Variants in LYPD6B observed in about 807,000 individuals in gnomAD.
The protein encoded by LYPD6B is ly6/PLAUR domain-containing protein 6B.
LYPD6B carries 17 observed loss-of-function variants against 22.8 expected under a neutral mutation model. The ratio of observed to expected loss-of-function variants is 0.75; its 90% CI spans 0.51 to 1.12. The LOEUF (loss-of-function observed/expected upper bound fraction) is 1.12, where lower values mean the gene tolerates loss of function less well. LYPD6B is among the 50% of genes most tolerant of loss of function. The pLI is 0.00. For synonymous variants in LYPD6B, 106 were observed against 91.6 expected, an observed-to-expected ratio of 1.16 and a Z score of -0.90; for missense variants, 221 against 258.3, an observed-to-expected ratio of 0.86 and a Z score of 0.99.
chr2:149,172,528 T>C (rs1690910415), intron 3 of LYPD6B, among the ~76,000 whole-genome samples: 1 of 152,190 alleles, frequency 6.6e-6, no homozygotes, highest in Non-Finnish European at 1.5e-5. Flanking sequence ...CCTTGTTCAG[T>C]GGTACAACCA....
At chr2:149,205,483 G>T (rs934682164) in intron 4 of LYPD6B, 79 bp downstream of exon 4, 17 of 1,432,666 alleles carry the variant, frequency 1.2e-5, no homozygotes, top group Non-Finnish European at 1.5e-5. Context: ...TCCATTTATT[G>T]TAACTTCGTC....
At chr2:149,068,565 GT>G in intron 1 of LYPD6B, 1 of 322,586 alleles carries the variant, frequency 3.1e-6, no homozygotes, top group Non-Finnish European at 6.5e-6. Flanking sequence ...ATAGCCAATG[GT>G]TGGTTATGTT....
intron 3 of LYPD6B, among the ~76,000 whole-genome samples, chr2:149,174,627 T>A (rs1038880714): frequency 1.3e-5 from 2 of 152,220 alleles, no homozygotes; most frequent in African/African-American, 4.8e-5. Flanking sequence ...CTTTTCTGCA[T>A]CTATTGAGAT....
At chr2:149,120,361 G>GTGTATATATATATATATATATA (rs796413041) in intron 1 of LYPD6B, among the ~76,000 whole-genome samples, 1 of 38,756 alleles carries the variant, frequency 2.6e-5, no homozygotes. Context: ...GTGTGTGTGT[G>GTGTATATATATATATATATATA]TATATATATA....
intron 1 of LYPD6B, among the ~76,000 whole-genome samples, chr2:149,067,310 A>G (rs1283287590): frequency 6.6e-6 from 1 of 152,134 alleles, no homozygotes; most frequent in African/African-American, 2.4e-5. Context: ...ATCATATTTT[A>G]TATTTATTCA....
intron 1 of LYPD6B, among the ~76,000 whole-genome samples, chr2:149,053,606 A>C (rs1053302550): frequency 6.6e-6 from 1 of 152,226 alleles, no homozygotes; most frequent in African/African-American, 2.4e-5. Flanking sequence ...CATAAAATGT[A>C]CCTCTTTAAA....
chr2:149,042,000 C>T (rs1205365035), intron 1 of LYPD6B, among the ~76,000 whole-genome samples: 1 of 152,210 alleles, frequency 6.6e-6, no homozygotes, highest in Non-Finnish European at 1.5e-5. Flanking sequence ...AAAAGCCTCA[C>T]ATATGATTTT....
At chr2:149,209,876 A>G (rs1357990832) in intron 5 of LYPD6B, among the ~76,000 whole-genome samples, 2 of 152,182 alleles carry the variant, frequency 1.3e-5, no homozygotes, top group African/African-American at 4.8e-5. Context: ...GTGTATGTGC[A>G]TGCATGATTG....
At chr2:149,068,562 A>G (rs1256022859) in intron 1 of LYPD6B, 9 of 313,906 alleles carry the variant, frequency 2.9e-5, no homozygotes, top group East Asian at 8.0e-5. Flanking sequence ...TAAATAGCCA[A>G]TGGTTGGTTA....
chr2:149,113,546 C>T (rs1024309319), intron 1 of LYPD6B, among the ~76,000 whole-genome samples: 1 of 152,018 alleles, frequency 6.6e-6, no homozygotes, highest in African/African-American at 2.4e-5. Context: ...TCATATATAC[C>T]AGGGGGAACA....
At chr2:149,172,577 G>A (rs1000987007) in intron 3 of LYPD6B, among the ~76,000 whole-genome samples, 1 of 152,038 alleles carries the variant, frequency 6.6e-6, no homozygotes, top group African/African-American at 2.4e-5. Context: ...AGAACTGGAT[G>A]TACTATTCCA....
intron 2 of LYPD6B, among the ~76,000 whole-genome samples, chr2:149,159,589 CGTGTGT>C (rs60129822): frequency 0.15 from 21,879 of 145,776 alleles, 1,772 homozygotes; most frequent in Non-Finnish European, 0.17. Context: ...CATATGTGTG[CGTGTGT>C]GTGTGTGTGT....
chr2:149,126,570 G>C (rs930332675), intron 1 of LYPD6B, among the ~76,000 whole-genome samples: 11 of 152,114 alleles, frequency 7.2e-5, no homozygotes, highest in African/African-American at 2.7e-4. Context: ...TGAGTCAGCT[G>C]AGGAGGAAAA....
At chr2:149,085,775 G>T (rs1399450569) in intron 1 of LYPD6B, among the ~76,000 whole-genome samples, 3 of 152,198 alleles carry the variant, frequency 2.0e-5, no homozygotes, top group African/African-American at 7.2e-5. Context: ...CTAGTAACTT[G>T]TATGTTAAGG....
chr2:149,121,549 G>A (rs1461728761), intron 1 of LYPD6B, among the ~76,000 whole-genome samples: 1 of 152,186 alleles, frequency 6.6e-6, no homozygotes, highest in Non-Finnish European at 1.5e-5. Context: ...AGAAGTGTGT[G>A]CAGGGTTAAA....
intron 2 of LYPD6B, among the ~76,000 whole-genome samples, chr2:149,145,830 A>G (rs1688985961): frequency 6.6e-6 from 1 of 152,184 alleles, no homozygotes. Context: ...AAGAGAAATA[A>G]AAGCAATGCT....
chr2:149,095,713 G>A (rs60588730), intron 1 of LYPD6B, among the ~76,000 whole-genome samples: 6,619 of 152,008 alleles, frequency 0.044, 338 homozygotes, highest in African/African-American at 0.13. Context: ...ATGCAAGGGG[G>A]TGAGAGAGTG....
intron 1 of LYPD6B, among the ~76,000 whole-genome samples, chr2:149,124,300 G>A (rs1333773546): frequency 1.3e-5 from 2 of 152,060 alleles, no homozygotes; most frequent in Middle Eastern, 3.2e-3. Context: ...TATCAATGAC[G>A]GTTGTTCCAC....
At chr2:149,115,067 C>T (rs1023023317) in intron 1 of LYPD6B, among the ~76,000 whole-genome samples, 6 of 152,172 alleles carry the variant, frequency 3.9e-5, no homozygotes, top group African/African-American at 7.2e-5. Flanking sequence ...GCCTCCCAAG[C>T]GTCTGGGATT....
Sources: gnomAD v4.1 joint callset for allele counts (sites outside exome capture counted in the v4.1 genomes callset) on GRCh38, gnomAD v4.1.1 for gene constraint, MANE v1.5 for transcripts, NCBI Gene and HGNC (gene_info 2026-07-23, HGNC 2026-07-21) for gene names.